The following GALNT2 variants were observed in gnomAD, a reference collection of about 807,000 sequenced individuals.
The protein encoded by GALNT2 is UDP-GalNAc:polypeptide N-acetylgalactosaminyltransferase 2.
In GALNT2, 31 loss-of-function variants were observed where a neutral mutation model predicts 81.4. That is an observed-to-expected ratio of 0.38 (90% CI 0.29 to 0.51). The LOEUF (loss-of-function observed/expected upper bound fraction) is 0.51. Among genes scored for constraint, GALNT2 ranks in the 20% least tolerant of loss-of-function variants. The probability of loss-of-function intolerance (pLI) is 0.87; values close to 1 mark genes in which losing one functional copy is unlikely to be tolerated. For missense variants in GALNT2, 629 were observed against 765.7 expected (o/e 0.82, Z 2.11); for synonymous variants, 303 against 287.4 (o/e 1.05, Z -0.55).
chr1:230,274,786 C>T (rs747879481), intron 15 of GALNT2, among the ~76,000 whole-genome samples: 5 of 152,078 alleles, frequency 3.3e-5, no homozygotes, highest in South Asian at 2.1e-4. Flanking sequence ...TTCCCTATGC[C>T]GCTGAAAATT....
intron 1 of GALNT2, among the ~76,000 whole-genome samples, chr1:230,155,276 C>T (rs771848599): frequency 1.1e-4 from 17 of 152,262 alleles, no homozygotes; most frequent in Non-Finnish European, 2.1e-4. Context: ...GGCTCCTGCC[C>T]GCCCTGTTCT....
intron 1 of GALNT2, among the ~76,000 whole-genome samples, chr1:230,158,525 C>T (rs1372743648): frequency 1.3e-5 from 2 of 152,220 alleles, no homozygotes; most frequent in Non-Finnish European, 2.9e-5. Flanking sequence ...ATCTTTTTAG[C>T]CTGGGCTCCC....
intron 1 of GALNT2, among the ~76,000 whole-genome samples, chr1:230,073,045 G>T (rs894691974): frequency 2.6e-5 from 4 of 152,206 alleles, no homozygotes; most frequent in Non-Finnish European, 4.4e-5. Context: ...CCTTATGGGT[G>T]AGGTGTTTTT....
chr1:230,240,274 A>G (rs764592394), intron 6 of GALNT2, among the ~76,000 whole-genome samples: 1 of 152,188 alleles, frequency 6.6e-6, no homozygotes, highest in African/African-American at 2.4e-5. Context: ...TGAGTTGACA[A>G]TTAATTTTTC....
At chr1:230,110,979 C>T (rs1660686432) in intron 1 of GALNT2, among the ~76,000 whole-genome samples, 1 of 152,164 alleles carries the variant, frequency 6.6e-6, no homozygotes, top group Non-Finnish European at 1.5e-5. Context: ...AATTGTTGTT[C>T]ATACCTGACT....
intron 1 of GALNT2, among the ~76,000 whole-genome samples, chr1:230,080,110 C>T (rs151119205): frequency 1.3e-3 from 192 of 152,296 alleles, no homozygotes; most frequent in African/African-American, 4.5e-3. Flanking sequence ...GAGGATTTTT[C>T]TCCCTAACTG....
intron 3 of GALNT2, among the ~76,000 whole-genome samples, chr1:230,228,034 A>G (rs947099732): frequency 1.3e-5 from 2 of 152,184 alleles, no homozygotes; most frequent in African/African-American, 4.8e-5. Context: ...GAGTCCACAT[A>G]CAAAAACCGG....
chr1:230,200,830 A>G (rs575808161), intron 2 of GALNT2, among the ~76,000 whole-genome samples: 61 of 151,674 alleles, frequency 4.0e-4, no homozygotes, highest in African/African-American at 1.4e-3. Flanking sequence ...TGCGCATGGG[A>G]CTCCGTCATG....
rs531531965 is a variant in GALNT2, at chr1:230,140,542, A to G, written c.127-37676A>G. ...GTTGCTATAGAAATCCAGCCTCGGA[A>G]CCGGGAGTACTGTCAGTGGTGCTCG... On this transcript the variant is annotated intron_variant, in intron 1 of 15. Transcript: ENST00000366672. 3.3e-5 allele frequency among the ~76,000 whole-genome samples: 5 copies of G among 152,192 alleles called. No individual in the cohort carries two copies. The South Asian group carries it at 1.0e-3, about 32-fold the overall frequency.
intron 1 of GALNT2, among the ~76,000 whole-genome samples, chr1:230,075,401 G>A (rs1659512698): frequency 6.6e-6 from 1 of 152,110 alleles, no homozygotes; most frequent in Admixed American, 6.5e-5. Flanking sequence ...GATTACAGGC[G>A]TGAGCCACCG....
At chr1:230,233,072 C>T (rs1269318631) in intron 3 of GALNT2, among the ~76,000 whole-genome samples, 1 of 152,180 alleles carries the variant, frequency 6.6e-6, no homozygotes. Flanking sequence ...CGAGGGAAAA[C>T]GAGTGTCTGT....
chr1:230,223,898 C>G (rs527632331), intron 3 of GALNT2, among the ~76,000 whole-genome samples: 1 of 152,296 alleles, frequency 6.6e-6, no homozygotes, highest in East Asian at 1.9e-4. Context: ...ACAATCAGAA[C>G]TGCTCAGGGG....
intron 3 of GALNT2, among the ~76,000 whole-genome samples, chr1:230,214,809 T>C (rs1179924450): frequency 1.3e-5 from 2 of 152,210 alleles, no homozygotes; most frequent in East Asian, 1.9e-4. Flanking sequence ...TTTTCTGTAC[T>C]TTTTATTCTT....
chr1:230,133,239 A>T (rs756615027), intron 1 of GALNT2, among the ~76,000 whole-genome samples: 3 of 152,138 alleles, frequency 2.0e-5, no homozygotes, highest in African/African-American at 4.8e-5. Flanking sequence ...CTTGGAATAG[A>T]TTTCTAAAAG....
chr1:230,113,377 C>G (rs989279748), intron 1 of GALNT2, among the ~76,000 whole-genome samples: 1 of 152,272 alleles, frequency 6.6e-6, no homozygotes, highest in South Asian at 2.1e-4. Context: ...GCAGCACTTA[C>G]ATGGCGGGCA....
intron 3 of GALNT2, among the ~76,000 whole-genome samples, chr1:230,204,536 T>C (rs1485785678): frequency 6.6e-6 from 1 of 152,054 alleles, no homozygotes; most frequent in Non-Finnish European, 1.5e-5. Flanking sequence ...GCTCAGGAGG[T>C]TGGTAGGCAT....
At chr1:230,247,826 A>G (rs555004856) in intron 8 of GALNT2, among the ~76,000 whole-genome samples, 6 of 152,336 alleles carry the variant, frequency 3.9e-5, no homozygotes, top group Admixed American at 1.3e-4. Context: ...TTAATCTGCT[A>G]TAGCCTCTCT....
At chr1:230,240,810 T>C (rs535499563) in intron 6 of GALNT2, among the ~76,000 whole-genome samples, 1 of 152,344 alleles carries the variant, frequency 6.6e-6, no homozygotes, top group Admixed American at 6.5e-5. Context: ...TATTTCTTCA[T>C]GTATTTTTTT....
intron 1 of GALNT2, among the ~76,000 whole-genome samples, chr1:230,148,433 A>G (rs1661989922): frequency 6.6e-6 from 1 of 152,244 alleles, no homozygotes; most frequent in Non-Finnish European, 1.5e-5. Flanking sequence ...AACAGGTCCC[A>G]CAGCCCTGGA....
Sources: gnomAD v4.1 joint callset for allele counts (sites outside exome capture counted in the v4.1 genomes callset) on GRCh38, gnomAD v4.1.1 for gene constraint, MANE v1.5 for transcripts, NCBI Gene and HGNC (gene_info 2026-07-23, HGNC 2026-07-21) for gene names.